PDE1A: variants seen among roughly 807,000 people sequenced by gnomAD.
PDE1A encodes the protein phosphodiesterase 1A.
In PDE1A, 35 loss-of-function variants were observed where a neutral mutation model predicts 61.7. The ratio of observed to expected loss-of-function variants is 0.57; its 90% CI spans 0.43 to 0.75. The LOEUF (loss-of-function observed/expected upper bound fraction) is 0.75, where lower values mean the gene tolerates loss of function less well. PDE1A is among the 30% of genes least tolerant of loss of function. The pLI, the probability that PDE1A is intolerant of heterozygous loss-of-function variation, is 0.00. For synonymous variants in PDE1A, 232 were observed against 213.2 expected, an observed-to-expected ratio of 1.09 and a Z score of -0.77; for missense variants, 597 against 630.6, an observed-to-expected ratio of 0.95 and a Z score of 0.57.
intron 1 of PDE1A, among the ~76,000 whole-genome samples, chr2:182,410,893 T>C (rs957517825): frequency 6.6e-6 from 1 of 152,208 alleles, no homozygotes; most frequent in Non-Finnish European, 1.5e-5. Flanking sequence ...GTCACTCTAA[T>C]ATCACCATCA....
intron 13 of PDE1A, among the ~76,000 whole-genome samples, chr2:182,150,422 C>T (rs192475320): frequency 2.6e-5 from 4 of 152,224 alleles, no homozygotes; most frequent in Admixed American, 6.5e-5. Flanking sequence ...AGACCAGTAA[C>T]GTCACTTTTG....
At chr2:182,574,406 T>C in the PDE1A span, among the ~76,000 whole-genome samples, 1 of 152,072 alleles carries the variant, frequency 6.6e-6, no homozygotes, top group African/African-American at 2.4e-5. Flanking sequence ...CTTGAACCCA[T>C]ACACATCTCC....
chr2:182,701,738 G>A, the PDE1A span, among the ~76,000 whole-genome samples: 10 of 152,148 alleles, frequency 6.6e-5, no homozygotes, highest in African/African-American at 2.2e-4. Context: ...CCAAACCACC[G>A]ATTCACTATC....
chr2:182,612,894 C>T, the PDE1A span, among the ~76,000 whole-genome samples: 10 of 152,284 alleles, frequency 6.6e-5, no homozygotes, highest in Middle Eastern at 3.4e-3. Context: ...TTTGCGAGAT[C>T]GGCCTCCTCC....
At chr2:182,616,770 G>A in the PDE1A span, among the ~76,000 whole-genome samples, 2 of 152,102 alleles carry the variant, frequency 1.3e-5, no homozygotes, top group African/African-American at 2.4e-5. Context: ...ACCAATCCTG[G>A]ACCTGCCCCA....
At chr2:182,598,605 T>C in the PDE1A span, among the ~76,000 whole-genome samples, 1 of 151,652 alleles carries the variant, frequency 6.6e-6, no homozygotes, top group African/African-American at 2.4e-5. Flanking sequence ...CCATTAATTC[T>C]GCTTTCACGC....
chr2:182,267,364 C>A (rs1692703162), intron 1 of PDE1A, among the ~76,000 whole-genome samples: 1 of 151,426 alleles, frequency 6.6e-6, no homozygotes, highest in Admixed American at 6.6e-5. Flanking sequence ...GTTTTACCAC[C>A]CAATTAGAAA....
At chr2:182,183,836 T>C (rs1335494308) in intron 13 of PDE1A, among the ~76,000 whole-genome samples, 1 of 151,724 alleles carries the variant, frequency 6.6e-6, no homozygotes, top group Admixed American at 6.6e-5. Flanking sequence ...CAAATGGAAA[T>C]AATAAAATTG....
chr2:182,543,173 T>C, the PDE1A span, among the ~76,000 whole-genome samples: 1 of 152,216 alleles, frequency 6.6e-6, no homozygotes, highest in South Asian at 2.1e-4. Flanking sequence ...ATATTGATAG[T>C]GTACATAGCT....
intron 13 of PDE1A, among the ~76,000 whole-genome samples, chr2:182,156,352 CTT>C (rs562822681): frequency 4.1e-5 from 6 of 146,076 alleles, no homozygotes; most frequent in African/African-American, 2.5e-5. Flanking sequence ...CCTTTCAACA[CTT>C]TTTTTTTTTT....
At chr2:182,252,929 A>G (rs1691507955) in intron 2 of PDE1A, among the ~76,000 whole-genome samples, 2 of 152,240 alleles carry the variant, frequency 1.3e-5, no homozygotes, top group South Asian at 4.1e-4. Flanking sequence ...ATATAAATAT[A>G]GTAAAGAATG....
At chr2:182,530,586 T>A in the PDE1A span, among the ~76,000 whole-genome samples, 1 of 152,104 alleles carries the variant, frequency 6.6e-6, no homozygotes, top group South Asian at 2.1e-4. Flanking sequence ...GGATTTGTCA[T>A]CAGAAACCAT....
downstream of PDE1A, among the ~76,000 whole-genome samples, chr2:182,166,191 G>A (rs1691641571): frequency 1.3e-5 from 2 of 152,106 alleles, no homozygotes; most frequent in Admixed American, 1.3e-4. Flanking sequence ...GATGGCTGGT[G>A]AAGCATTGTT....
chr2:182,344,108 G>A (rs1211329179), intron 1 of PDE1A, among the ~76,000 whole-genome samples: 1 of 152,102 alleles, frequency 6.6e-6, no homozygotes, highest in Non-Finnish European at 1.5e-5. Flanking sequence ...CTGGGTTCAA[G>A]TAATTCTCCT....
chr2:182,142,407 A>G (rs979877934), downstream of PDE1A: 2 of 152,142 alleles, frequency 1.3e-5, no homozygotes, highest in East Asian at 3.9e-4. Flanking sequence ...TTTCACTGCC[A>G]TTTCCCAGTA....
chr2:182,561,825 A>C, the PDE1A span, among the ~76,000 whole-genome samples: 2 of 152,084 alleles, frequency 1.3e-5, no homozygotes, highest in African/African-American at 2.4e-5. Flanking sequence ...GCAATTGTGA[A>C]TGGGAGTTCA....
intron 7 of PDE1A, among the ~76,000 whole-genome samples, chr2:182,218,753 G>T (rs892151151): frequency 1.3e-5 from 2 of 152,040 alleles, no homozygotes; most frequent in Admixed American, 6.6e-5. Context: ...CTGTTGATGT[G>T]GTAGATTATA....
At chr2:182,348,337 T>C (rs1698645717) in intron 1 of PDE1A, among the ~76,000 whole-genome samples, 2 of 152,076 alleles carry the variant, frequency 1.3e-5, no homozygotes, top group Non-Finnish European at 2.9e-5. Context: ...TAATCATGCT[T>C]AAGAGAAAAG....
chr2:182,666,590 A>C, the PDE1A span, among the ~76,000 whole-genome samples: 1 of 145,410 alleles, frequency 6.9e-6, no homozygotes, highest in Non-Finnish European at 1.5e-5. Context: ...CCTAGGAAAC[A>C]ACAGTAAAAC....
Sources: allele counts gnomAD v4.1 joint callset (sites outside exome capture counted in the v4.1 genomes callset), GRCh38; gene constraint gnomAD v4.1.1; transcripts MANE v1.5; gene names NCBI Gene and HGNC (gene_info 2026-07-23, HGNC 2026-07-21).